EYS: variants seen among roughly 807,000 people sequenced by gnomAD.
EYS encodes the protein EGF-like photoreceptor maintenance factor, also known as protein eyes shut homolog.
A neutral mutation model predicts 282.1 loss-of-function variants in EYS; 250 were observed. That is an observed-to-expected ratio of 0.89 (90% CI 0.80 to 0.98). The LOEUF is 0.98. Ranked by LOEUF, EYS falls within the 50% of genes least tolerant of loss-of-function variation. The pLI, the probability that EYS is intolerant of heterozygous loss-of-function variation, is 0.00. For missense variants in EYS, 4,016 were observed against 3,709.0 expected (o/e 1.08, Z -2.15); for synonymous variants, 1,355 against 1,282.9 (o/e 1.06, Z -1.20).
At chr6:65,356,148 A>ATAC (rs1582179858) in intron 8 of EYS, among the ~76,000 whole-genome samples, 1 of 152,082 alleles carries the variant, frequency 6.6e-6, no homozygotes, top group East Asian at 1.9e-4. Flanking sequence ...ACATACACAC[A>ATAC]ATGGAATACT....
intron 29 of EYS, among the ~76,000 whole-genome samples, chr6:64,350,402 A>C (rs1285689613): frequency 6.6e-6 from 1 of 151,610 alleles, no homozygotes; most frequent in Non-Finnish European, 1.5e-5. Flanking sequence ...ATTTCTCTAT[A>C]TTCCAGAGTT....
intron 22 of EYS, among the ~76,000 whole-genome samples, chr6:64,704,408 G>A (rs1303075599): frequency 1.4e-5 from 2 of 143,004 alleles, no homozygotes; most frequent in African/African-American, 5.1e-5. Context: ...GGGTTCATGA[G>A]TGGCAATCTA....
chr6:64,801,482 A>AT (rs964441369), intron 22 of EYS, among the ~76,000 whole-genome samples: 20 of 151,910 alleles, frequency 1.3e-4, no homozygotes, highest in African/African-American at 3.9e-4. Context: ...ATAATTTAAC[A>AT]TTTTTTTTGT....
intron 26 of EYS, among the ~76,000 whole-genome samples, chr6:64,462,826 A>T (rs941600143): frequency 1.3e-5 from 2 of 151,856 alleles, no homozygotes; most frequent in Non-Finnish European, 2.9e-5. Flanking sequence ...TTATTTCATT[A>T]TCTTTAACTG....
At chr6:64,914,523 A>G (rs1768103464) in intron 15 of EYS, among the ~76,000 whole-genome samples, 1 of 152,142 alleles carries the variant, frequency 6.6e-6, no homozygotes, top group Non-Finnish European at 1.5e-5. Context: ...AGGAAGAAAC[A>G]AAGAAAAGAG....
At chr6:64,382,021 G>A (rs944708576) in intron 29 of EYS, among the ~76,000 whole-genome samples, 4 of 151,966 alleles carry the variant, frequency 2.6e-5, no homozygotes, top group African/African-American at 7.2e-5. Context: ...ATTCTATTTT[G>A]TTTTTTCATT....
rs931233600 is a variant in EYS at position 65,349,830 on chromosome 6, C to A, written c.1459+3628G>T. ...TAATAGTAGCTACAGTGTAATATATCTTTAGAATTTTCTTTCAGATTATGT... is the reference window on the plus strand; with the variant it reads ...TAATAGTAGCTACAGTGTAATATATATTTAGAATTTTCTTTCAGATTATGT... On this transcript the variant is annotated intron_variant, in intron 9 of 42. Coordinates refer to ENST00000503581, the MANE Select transcript of EYS (RefSeq NM_001142800.2). Among the ~76,000 whole-genome samples the A allele has an allele frequency of 8.2e-4, 124 of 151,512 alleles. 1 individual carries two copies. The highest frequency in any genetic ancestry group is 2.8e-3 in the African/African-American group (118 of 41,476).
chr6:64,566,862 C>T (rs1456093416), intron 26 of EYS, among the ~76,000 whole-genome samples: 4 of 152,114 alleles, frequency 2.6e-5, no homozygotes, highest in Admixed American at 1.3e-4. Flanking sequence ...AAACCTCCAC[C>T]TCCACAGTTC....
intron 12 of EYS, among the ~76,000 whole-genome samples, chr6:65,264,904 T>C (rs1226939779): frequency 6.6e-6 from 1 of 151,726 alleles, no homozygotes; most frequent in Non-Finnish European, 1.5e-5. Flanking sequence ...ATTCTATTTA[T>C]TTTATCTAAA....
chr6:64,378,514 T>C (rs1219289021), intron 29 of EYS, among the ~76,000 whole-genome samples: 1 of 152,130 alleles, frequency 6.6e-6, no homozygotes, highest in Non-Finnish European at 1.5e-5. Context: ...TTCAAAATTA[T>C]TGTTTTATGT....
chr6:64,664,649 G>C (rs77396765), intron 22 of EYS, among the ~76,000 whole-genome samples: 2,293 of 152,206 alleles, frequency 0.015, 32 homozygotes, highest in Non-Finnish European at 0.023. Flanking sequence ...AAATGATTAG[G>C]TCCTGAGGGC....
Position 64,081,922 on chromosome 6 carries a change from G to A in EYS, c.6505C>T (p.His2169Tyr), listed in dbSNP as rs776653239. 1.9e-6 allele frequency: 3 copies of A among 1,542,688 alleles called. No individual in the cohort carries two copies. The highest frequency in any genetic ancestry group is 2.6e-6 in the Non-Finnish European group (3 of 1,139,484). ...AAGTAGATGGTAACAGTTCTGTTAT[G>A]TTCCTTCTCCAGGACAAACTTCAAA... ...PFLKFVLEKE[H>Y]NRTVTIYLTI... Residue 2169 changes from histidine to tyrosine, a missense_variant, in exon 32 of 43, where the codon CAT becomes TAT. Physicochemically the swap from His to Tyr is moderately conservative, Grantham distance 83 (BLOSUM62 2). Transcript: ENST00000503581.
At chr6:64,589,800 C>T (rs762496921) in intron 26 of EYS, among the ~76,000 whole-genome samples, 1 of 151,794 alleles carries the variant, frequency 6.6e-6, no homozygotes, top group African/African-American at 2.4e-5. Context: ...AAGAAAGTTC[C>T]AGTGATTTCC....
chr6:65,005,228 G>A lies in EYS; in HGVS notation c.2138-7525C>T, dbSNP rs552386105. 9.5e-5 allele frequency among the ~76,000 whole-genome samples: 14 copies of A among 147,846 alleles called. 1 individual carries two copies. The highest frequency in any genetic ancestry group is 1.7e-4 in the Non-Finnish European group (11 of 65,976). ...GAGGCGCCCATTGCCACTCCCGATC[G>A]GGCTAAAGGCTTGCCATTGTTCCTG... On this transcript the variant is annotated intron_variant, in intron 13 of 42. Transcript: ENST00000503581.
At chr6:63,812,884 A>T (rs1037514537) in intron 36 of EYS, among the ~76,000 whole-genome samples, 2 of 152,216 alleles carry the variant, frequency 1.3e-5, no homozygotes, top group Non-Finnish European at 2.9e-5. Context: ...AATAATATGG[A>T]ATCTTAATTC....
chr6:64,509,615 G>A (rs1046862925), intron 26 of EYS, among the ~76,000 whole-genome samples: 7 of 152,076 alleles, frequency 4.6e-5, no homozygotes, highest in Non-Finnish European at 1.0e-4. Flanking sequence ...CACATTAATG[G>A]ATATGGTTTG....
At chr6:64,403,929 C>G (rs75774895) in intron 28 of EYS, among the ~76,000 whole-genome samples, 1 of 151,974 alleles carries the variant, frequency 6.6e-6, no homozygotes, top group Admixed American at 6.6e-5. Flanking sequence ...GTTTTTTGTT[C>G]GTGAATCCAA....
intron 2 of EYS, among the ~76,000 whole-genome samples, chr6:65,565,371 A>G (rs1038309186): frequency 3.9e-5 from 6 of 151,972 alleles, no homozygotes; most frequent in African/African-American, 9.7e-5. Context: ...TGGTCATTAG[A>G]TAAATGCAAA....
At chr6:65,610,277 C>T (rs2351267) in intron 2 of EYS, among the ~76,000 whole-genome samples, 116,690 of 151,308 alleles carry the variant, frequency 0.77, 45,087 homozygotes, top group Middle Eastern at 0.82. Flanking sequence ...TTCTTTTTTT[C>T]CCCCTTTTTT....
Sources: gnomAD v4.1 joint callset for allele counts (sites outside exome capture counted in the v4.1 genomes callset) on GRCh38, gnomAD v4.1.1 for gene constraint, MANE v1.5 for transcripts, NCBI Gene and HGNC (gene_info 2026-07-23, HGNC 2026-07-21) for gene names.